The following MCC variants were observed in gnomAD, a reference collection of about 807,000 sequenced individuals.
MCC encodes the protein MCC regulator of Wnt signaling pathway.
In MCC, 90 loss-of-function variants were observed where a neutral mutation model predicts 116.2. That is an observed-to-expected ratio of 0.77 (90% CI 0.65 to 0.92). The LOEUF (loss-of-function observed/expected upper bound fraction) is 0.92, where lower values mean the gene tolerates loss of function less well. Among genes scored for constraint, MCC ranks in the 40% least tolerant of loss-of-function variants. MCC has a pLI of 0.00. For synonymous variants in MCC, 578 were observed against 510.5 expected, an observed-to-expected ratio of 1.13 and a Z score of -1.78; for missense variants, 1,516 against 1,312.2, an observed-to-expected ratio of 1.16 and a Z score of -2.40.
rs753720758 is a variant in MCC at position 113,027,308 on chromosome 5, C to T, written c.3054G>A (p.Ser1018=). ...ENSRPHTNET[S]L ...TCCGGTGCGTGAGTGCTGATTAAAG[C>T]GAAGTTTCATTGGTGTGTGGCCTGG... The change falls in exon 19 of 19, where the codon TCG becomes TCA. Residue 1018 remains serine (S), a synonymous_variant. Transcript: ENST00000408903. 1.8e-5 allele frequency: 29 copies of T among 1,613,884 alleles called. No individual in the cohort carries two copies. Among genetic ancestry groups the T allele is most frequent in the East Asian group, 8.9e-5 (4 of 44,898 alleles).
In MCC at chr5:113,136,107, T is replaced by C. The variant is rs189784534; in HGVS notation, c.884+7111A>G. ...GTAAGAGGAAAAAGGGACATGCATA[T>C]ATACATAAAAGCAAGAATATATGCA... On this transcript the variant is annotated intron_variant, in intron 5 of 18. Transcript: ENST00000408903. Among the ~76,000 whole-genome samples, 135 of 152,222 alleles carry C rather than the reference T, an allele frequency of 8.9e-4. 1 individual carries two copies. Among genetic ancestry groups the C allele is most frequent in the African/African-American group, 3.1e-3 (130 of 41,562 alleles).
intron 1 of MCC, among the ~76,000 whole-genome samples, chr5:113,415,790 T>A (rs1478347421): frequency 6.6e-6 from 1 of 152,360 alleles, no homozygotes; most frequent in African/African-American, 2.4e-5. Context: ...AAAGTCATTC[T>A]CCGTCCAGCT....
chr5:113,429,287 G>A (rs1397654004), intron 1 of MCC, among the ~76,000 whole-genome samples: 1 of 152,074 alleles, frequency 6.6e-6, no homozygotes, highest in Non-Finnish European at 1.5e-5. Flanking sequence ...GAGAGAGAGA[G>A]AGAGAGATCT....
chr5:113,379,724 GA>G (rs1769069974), intron 2 of MCC, among the ~76,000 whole-genome samples: 1 of 152,096 alleles, frequency 6.6e-6, no homozygotes, highest in South Asian at 2.1e-4. Flanking sequence ...GGCTTAAACC[GA>G]TATAAAAATC....
intron 3 of MCC, among the ~76,000 whole-genome samples, chr5:113,199,374 T>C (rs914031438): frequency 2.0e-5 from 3 of 152,010 alleles, no homozygotes; most frequent in Non-Finnish European, 4.4e-5. Flanking sequence ...TGTAGTAAGC[T>C]AAATTGCCAA....
intron 1 of MCC, among the ~76,000 whole-genome samples, chr5:113,458,917 T>C (rs1368625671): frequency 6.6e-6 from 1 of 152,222 alleles, no homozygotes; most frequent in African/African-American, 2.4e-5. Flanking sequence ...GTTCAGAAGA[T>C]GAAAGGGCTT....
chr5:113,220,558 CTAAG>C (rs988110860), intron 3 of MCC, among the ~76,000 whole-genome samples: 1 of 152,114 alleles, frequency 6.6e-6, no homozygotes. Context: ...AAATTTATCT[CTAAG>C]TATTTCATAT....
chr5:113,098,165 T>G lies in MCC; in HGVS notation c.1398+3574A>C, dbSNP rs959416274. ...ATCAAGTTTGCTTTGCCAAACACATTGGGGAAAGCGCTGATTATTTTTGCC... is the reference window on the plus strand; with the variant it reads ...ATCAAGTTTGCTTTGCCAAACACATGGGGGAAAGCGCTGATTATTTTTGCC... On this transcript the variant is annotated intron_variant, in intron 8 of 18. Coordinates refer to ENST00000408903, the MANE Select transcript of MCC (RefSeq NM_001085377.2). 2.6e-5 allele frequency among the ~76,000 whole-genome samples: 4 copies of G among 152,284 alleles called. 1 individual carries two copies. Among genetic ancestry groups the G allele is most frequent in the Admixed American group, 2.6e-4 (4 of 15,300 alleles).
At chr5:113,482,162 T>G (rs1030979048) in intron 1 of MCC, among the ~76,000 whole-genome samples, 22 of 152,236 alleles carry the variant, frequency 1.4e-4, no homozygotes, top group African/African-American at 5.3e-4. Context: ...TATTCATTCA[T>G]CAGATGATGA....
At chr5:113,243,186 G>A (rs1333200696) in intron 3 of MCC, among the ~76,000 whole-genome samples, 1 of 151,914 alleles carries the variant, frequency 6.6e-6, no homozygotes, top group East Asian at 1.9e-4. Context: ...TTTTGTTTTG[G>A]TTTTTAATGG....
chr5:113,064,755 G>A (rs1753470850), intron 13 of MCC, among the ~76,000 whole-genome samples: 1 of 152,200 alleles, frequency 6.6e-6, no homozygotes, highest in Non-Finnish European at 1.5e-5. Flanking sequence ...AATGCCTCCA[G>A]GAGCCAGGTA....
intron 1 of MCC, among the ~76,000 whole-genome samples, chr5:113,480,266 GC>G (rs1429718689): frequency 1.3e-5 from 2 of 152,196 alleles, no homozygotes; most frequent in African/African-American, 4.8e-5. Context: ...CAAAGCGCCT[GC>G]AAGCAATTTT....
chr5:113,253,938 A>C (rs1018021125), intron 3 of MCC, among the ~76,000 whole-genome samples: 7 of 152,230 alleles, frequency 4.6e-5, no homozygotes, highest in African/African-American at 1.7e-4. Flanking sequence ...GGAAGGAGGA[A>C]AACAAAAAAG....
chr5:113,225,554 C>T (rs1459520500), intron 3 of MCC, among the ~76,000 whole-genome samples: 2 of 152,200 alleles, frequency 1.3e-5, no homozygotes, highest in Non-Finnish European at 1.5e-5. Flanking sequence ...AATACTCACA[C>T]CCTCATACAG....
At chr5:113,099,923 T>G (rs6882155) in intron 8 of MCC, among the ~76,000 whole-genome samples, 22,957 of 152,208 alleles carry the variant, frequency 0.15, 1,970 homozygotes, top group African/African-American at 0.24. Context: ...TAAGAGCAAG[T>G]ACATACCTAA....
At chr5:113,426,505 T>G (rs1770488213) in intron 1 of MCC, among the ~76,000 whole-genome samples, 1 of 152,226 alleles carries the variant, frequency 6.6e-6, no homozygotes, top group Non-Finnish European at 1.5e-5. Flanking sequence ...TTTTCTTTTT[T>G]GAATTAGGTG....
At chr5:113,046,008 C>G (rs1439909845) in intron 16 of MCC, among the ~76,000 whole-genome samples, 3 of 152,060 alleles carry the variant, frequency 2.0e-5, no homozygotes, top group Non-Finnish European at 4.4e-5. Flanking sequence ...TCGCCTCATC[C>G]AGCAACAGCT....
intron 3 of MCC, among the ~76,000 whole-genome samples, chr5:113,178,450 C>T (rs1186342253): frequency 6.6e-6 from 1 of 152,054 alleles, no homozygotes; most frequent in Non-Finnish European, 1.5e-5. Flanking sequence ...GGGGGATTGC[C>T]AGGGCAGAAG....
At chr5:113,130,960 C>G (rs1242892014) in intron 5 of MCC, among the ~76,000 whole-genome samples, 1 of 152,190 alleles carries the variant, frequency 6.6e-6, no homozygotes, top group Non-Finnish European at 1.5e-5. Context: ...TGATTCTCTC[C>G]CAAAGGCCTC....
Sources: allele counts gnomAD v4.1 joint callset (sites outside exome capture counted in the v4.1 genomes callset), GRCh38; gene constraint gnomAD v4.1.1; transcripts MANE v1.5; gene names NCBI Gene and HGNC (gene_info 2026-07-23, HGNC 2026-07-21).